Variants in SORCS1 observed in about 807,000 individuals in gnomAD.
SORCS1 encodes the protein sortilin related VPS10 domain containing receptor 1.
A neutral mutation model predicts 146.1 loss-of-function variants in SORCS1; 60 were observed. The ratio of observed to expected loss-of-function variants is 0.41; its 90% CI spans 0.33 to 0.51. The LOEUF (loss-of-function observed/expected upper bound fraction) is 0.51. Among genes scored for constraint, SORCS1 ranks in the 20% least tolerant of loss-of-function variants. The probability of loss-of-function intolerance (pLI) is 0.21; values close to 1 mark genes in which losing one functional copy is unlikely to be tolerated. For synonymous variants in SORCS1, 637 were observed against 584.0 expected, an observed-to-expected ratio of 1.09 and a Z score of -1.31; for missense variants, 1,352 against 1,487.6, an observed-to-expected ratio of 0.91 and a Z score of 1.50.
At chr10:106,725,656 C>T (rs1212749185) in intron 6 of SORCS1, among the ~76,000 whole-genome samples, 1 of 151,842 alleles carries the variant, frequency 6.6e-6, no homozygotes, top group African/African-American at 2.4e-5. Flanking sequence ...AGAGGCCAGC[C>T]ATGGTGGCTC....
At chr10:107,042,355 G>A (rs1316755970) in intron 1 of SORCS1, among the ~76,000 whole-genome samples, 1 of 152,174 alleles carries the variant, frequency 6.6e-6, no homozygotes, top group Non-Finnish European at 1.5e-5. Flanking sequence ...TTCTAAAACA[G>A]AATTCTCAAA....
At chr10:106,769,071 AGATTTT>A (rs1458660073) in intron 4 of SORCS1, among the ~76,000 whole-genome samples, 16 of 152,186 alleles carry the variant, frequency 1.1e-4, no homozygotes, top group Non-Finnish European at 2.1e-4. Flanking sequence ...AGTATGACTG[AGATTTT>A]GAAAGCGCTG....
chr10:107,100,552 C>G (rs888136457), intron 1 of SORCS1, among the ~76,000 whole-genome samples: 12 of 151,856 alleles, frequency 7.9e-5, no homozygotes, highest in Non-Finnish European at 1.3e-4. Context: ...CTTAGGCAGA[C>G]TTTATGATAC....
In SORCS1 at chr10:106,575,515, A is replaced by G. The variant is rs11192962; in HGVS notation, c.*1905T>C. The stretch of plus-strand genomic sequence containing the variant: ...GTTTATAGTGGGCTTTGCCCAGTCC[A>G]TAATACTAAAGGGGCCTCTGCTGAA... On this transcript the variant is annotated 3_prime_UTR_variant, in exon 26 of 26. Coordinates refer to ENST00000263054, the MANE Select transcript of SORCS1 (RefSeq NM_052918.5). 8,673 of 152,282 alleles carry G rather than the reference A, an allele frequency of 0.057. 561 individuals are homozygous for G. Among genetic ancestry groups the G allele is most frequent in the East Asian group, 0.25 (1,273 of 5,164 alleles). 9.4% of individuals were successfully genotyped at this position (152,282 alleles called of 1,614,324 possible). A position where few individuals can be genotyped will look rare whatever the true frequency, so the allele number is the denominator to read the frequency against.
chr10:107,054,850 A>G (rs183074380), intron 1 of SORCS1, among the ~76,000 whole-genome samples: 3 of 152,220 alleles, frequency 2.0e-5, no homozygotes, highest in Non-Finnish European at 4.4e-5. Context: ...GTATAATGCA[A>G]TTAATAGTGA....
At chr10:106,883,438 G>A (rs576191226) in intron 2 of SORCS1, among the ~76,000 whole-genome samples, 8 of 145,064 alleles carry the variant, frequency 5.5e-5, no homozygotes, top group East Asian at 2.0e-4. Context: ...TTTTTGAGAC[G>A]GAGTCTTGCT....
intron 1 of SORCS1, among the ~76,000 whole-genome samples, chr10:107,079,656 G>A: frequency 6.6e-6 from 1 of 152,170 alleles, no homozygotes; most frequent in Non-Finnish European, 1.5e-5. Flanking sequence ...TCCGAAAAAT[G>A]GGTGATAAAA....
At chr10:107,081,693 A>T (rs962914853) in intron 1 of SORCS1, among the ~76,000 whole-genome samples, 3 of 152,218 alleles carry the variant, frequency 2.0e-5, no homozygotes, top group African/African-American at 7.2e-5. Flanking sequence ...AAAAAGAGTG[A>T]AAAAAAGCAT....
chr10:106,984,907 G>A (rs1396335268), intron 1 of SORCS1, among the ~76,000 whole-genome samples: 2 of 151,994 alleles, frequency 1.3e-5, no homozygotes, highest in East Asian at 1.9e-4. Context: ...GGGCAAGCAG[G>A]CCGGGTGCCG....
chr10:107,162,821 A>G (rs1237811310), intron 1 of SORCS1, among the ~76,000 whole-genome samples: 4 of 152,232 alleles, frequency 2.6e-5, no homozygotes, highest in African/African-American at 9.6e-5. Flanking sequence ...AAGGTTCCAG[A>G]CTGCGTAAAT....
intron 3 of SORCS1, among the ~76,000 whole-genome samples, chr10:106,794,297 T>C (rs1402413759): frequency 6.6e-6 from 1 of 152,116 alleles, no homozygotes; most frequent in Non-Finnish European, 1.5e-5. Context: ...TTGTTAAAAC[T>C]AAAAGCAGGT....
At chr10:106,669,484 T>A (rs1397872044) in intron 16 of SORCS1, among the ~76,000 whole-genome samples, 1 of 152,126 alleles carries the variant, frequency 6.6e-6, no homozygotes, top group Non-Finnish European at 1.5e-5. Flanking sequence ...TTGCAAATCT[T>A]CCTTGAATAC....
upstream of SORCS1, among the ~76,000 whole-genome samples, chr10:107,166,422 G>A (rs1970053070): frequency 6.6e-6 from 1 of 152,208 alleles, no homozygotes; most frequent in African/African-American, 2.4e-5. Context: ...GCAAATGCAA[G>A]GAGGGCAGGC....
intron 2 of SORCS1, among the ~76,000 whole-genome samples, chr10:106,940,781 G>C (rs559908583): frequency 6.6e-5 from 10 of 152,344 alleles, no homozygotes; most frequent in African/African-American, 2.4e-4. Context: ...CTACTCGGGA[G>C]ACTGAAGCAG....
intron 1 of SORCS1, among the ~76,000 whole-genome samples, chr10:107,141,083 G>A (rs986204661): frequency 6.6e-6 from 1 of 152,150 alleles, no homozygotes; most frequent in Non-Finnish European, 1.5e-5. Context: ...GAGGACACTG[G>A]AGAAGATGAC....
chr10:106,695,910 C>G lies in SORCS1; in HGVS notation c.1413+3304G>C, dbSNP rs887720295. ...TCTCATTCCACACACACACATAGTT[C>G]TAGGGTAGAGAACACAGAATCTGTA... On this transcript the variant is annotated intron_variant, in intron 9 of 25. Transcript: ENST00000263054. Among the ~76,000 whole-genome samples the G allele has an allele frequency of 2.6e-5, 4 of 152,112 alleles. 1 individual carries two copies. The South Asian group carries it at 8.3e-4, about 32-fold the overall frequency.
intron 1 of SORCS1, among the ~76,000 whole-genome samples, chr10:107,134,376 A>C (rs1590211347): frequency 6.6e-6 from 1 of 152,290 alleles, no homozygotes; most frequent in African/African-American, 2.4e-5. Context: ...CGGTGGCTCA[A>C]GCCTGTAATC....
chr10:106,891,228 G>C (rs1564779960), intron 2 of SORCS1, among the ~76,000 whole-genome samples: 1 of 152,172 alleles, frequency 6.6e-6, no homozygotes, highest in African/African-American at 2.4e-5. Context: ...TAATCAAGCT[G>C]ATGATTGGTC....
In SORCS1 at chr10:106,682,676, T is replaced by C. The variant is rs117661141; in HGVS notation, c.1561-2942A>G. Among the ~76,000 whole-genome samples, 608 of 152,336 alleles carry C rather than the reference T, an allele frequency of 4.0e-3. 6 individuals carry two copies. Among genetic ancestry groups the C allele is most frequent in the Admixed American group, 7.0e-3 (107 of 15,296 alleles). Reference sequence around the variant, plus strand: ...TTTTGCCCAGGCTGGGGGCACATCATAGGCCCCTCTCTTCATTTCTCTTGT... The same window carrying C: ...TTTTGCCCAGGCTGGGGGCACATCACAGGCCCCTCTCTTCATTTCTCTTGT... On this transcript the variant is annotated intron_variant, in intron 10 of 25. Coordinates refer to ENST00000263054, the MANE Select transcript of SORCS1 (RefSeq NM_052918.5).
Sources: allele counts gnomAD v4.1 joint callset (sites outside exome capture counted in the v4.1 genomes callset), GRCh38; gene constraint gnomAD v4.1.1; transcripts MANE v1.5; gene names NCBI Gene and HGNC (gene_info 2026-07-23, HGNC 2026-07-21).